VLDLR: variants seen among roughly 807,000 people sequenced by gnomAD.
The protein encoded by VLDLR is very low density lipoprotein receptor.
A neutral mutation model predicts 112.7 loss-of-function variants in VLDLR; 81 were observed. That is an observed-to-expected ratio of 0.72 (90% CI 0.60 to 0.86). VLDLR has a LOEUF of 0.86. Ranked by LOEUF, VLDLR falls within the 40% of genes least tolerant of loss-of-function variation. The pLI is 0.00. For synonymous variants in VLDLR, 436 were observed against 384.8 expected, an observed-to-expected ratio of 1.13 and a Z score of -1.56; for missense variants, 1,237 against 1,099.4, an observed-to-expected ratio of 1.13 and a Z score of -1.77.
chr9:2,642,900 G>A (rs1817887482), intron 4 of VLDLR, among the ~76,000 whole-genome samples: 2 of 152,190 alleles, frequency 1.3e-5, no homozygotes, highest in African/African-American at 4.8e-5. Context: ...AGAATCAATT[G>A]TGGTTCTCAT....
At position 2,653,963 on chromosome 9, in the gene VLDLR, C is replaced by T. The variant is rs1057182493; in HGVS notation, c.*95C>T. ...GCAGCTGAAGTCTCTTTTTCTTCCT[C>T]TCGGCTGGAAGAACATCAAGATACC... On this transcript the variant is annotated 3_prime_UTR_variant, in exon 19 of 19. Coordinates refer to ENST00000382100, the MANE Select transcript of VLDLR (RefSeq NM_003383.5). 7 of 1,324,532 alleles carry T rather than the reference C, an allele frequency of 5.3e-6. No homozygotes were observed. Among genetic ancestry groups the T allele is most frequent in the Non-Finnish European group, 4.4e-6 (4 of 918,758 alleles). 82.0% of individuals were successfully genotyped at this position (1,324,532 alleles called of 1,614,324 possible).
chr9:2,654,823 T>G lies in VLDLR; in HGVS notation c.*955T>G, dbSNP rs759380723. On this transcript the variant is annotated 3_prime_UTR_variant, in exon 19 of 19. Transcript: ENST00000382100. ...TTTATAGTTAAGTCTCTGTTTTCCATGTTCTGTCATTTATATAGGTCAAGG... is the reference window on the plus strand; with the variant it reads ...TTTATAGTTAAGTCTCTGTTTTCCAGGTTCTGTCATTTATATAGGTCAAGG... The G allele has an allele frequency of 1.3e-5, 2 of 152,206 alleles. No homozygotes were observed. Among genetic ancestry groups the G allele is most frequent in the Non-Finnish European group, 2.9e-5 (2 of 68,028 alleles). The allele number at this position is 152,206 out of a possible 1,614,324, so 9.4% of individuals were successfully genotyped here. A position where few individuals can be genotyped will look rare whatever the true frequency, so the allele number is the denominator to read the frequency against.
At position 2,647,481 on chromosome 9, in the gene VLDLR, TA is replaced by T; in HGVS notation, c.1712del (p.Tyr571SerfsTer11). 6.2e-7 allele frequency: 1 copy of T among 1,613,940 alleles called. No individual in the cohort carries two copies. The stretch of plus-strand genomic sequence containing the variant: ...TCATTTAATTTTTCACAGCTTTGTT[TA>T]CTGGTCAGACTGGGGTGAACCAGCT... Reference protein sequence around the residue: ...IAVDPLSGFVYWSDWGEPAKI... With the variant: ...IAVDPLSGFVXWSDWGEPAKI... On this transcript the variant is annotated frameshift_variant, in exon 12 of 19. Coordinates refer to ENST00000382100, the MANE Select transcript of VLDLR (RefSeq NM_003383.5). LOFTEE classifies it high-confidence loss of function.
chr9:2,638,985 C>A (rs1817716856), intron 2 of VLDLR, among the ~76,000 whole-genome samples: 1 of 152,200 alleles, frequency 6.6e-6, no homozygotes, highest in African/African-American at 2.4e-5. Flanking sequence ...TGATGAGTTT[C>A]TTTGCCCCTG....
rs1818742495 is a variant in VLDLR at position 2,660,025 on chromosome 9, T to C, written c.*6157T>C. On this transcript the variant is annotated 3_prime_UTR_variant, in exon 19 of 19. Coordinates refer to ENST00000382100, the MANE Select transcript of VLDLR (RefSeq NM_003383.5). ...TAAACTTTTTTTTACTAATGAACTG[T>C]ACATTTAAATAAAAGTTTATTTTTG... is the stretch of plus-strand genomic sequence containing the variant. 1 of 150,968 alleles carries C rather than the reference T, an allele frequency of 6.6e-6. No individual in the cohort carries two copies. Among genetic ancestry groups the C allele is most frequent in the Non-Finnish European group, 1.5e-5 (1 of 67,862 alleles). 9.4% of individuals were successfully genotyped at this position (150,968 alleles called of 1,614,324 possible).
intron 1 of VLDLR, 33 bp from the exon 2 acceptor site, chr9:2,635,420 C>A: frequency 6.2e-7 from 1 of 1,613,426 alleles, no homozygotes; most frequent in South Asian, 1.1e-5. Flanking sequence ...ATAACCAATC[C>A]TTGCTTTACC....
At chr9:2,640,115 G>C (rs1817763664) in intron 3 of VLDLR, 134 bp downstream of exon 3, 2 of 1,413,998 alleles carry the variant, frequency 1.4e-6, no homozygotes, top group Admixed American at 1.7e-5. Context: ...TGACTCCAAG[G>C]GCAGTCAAAT....
intron 1 of VLDLR, among the ~76,000 whole-genome samples, chr9:2,631,734 G>A (rs770647274): frequency 2.6e-5 from 4 of 152,106 alleles, no homozygotes; most frequent in Admixed American, 6.5e-5. Context: ...AAGAAATAAC[G>A]TCAATGACTG....
rs368338996 is a variant in VLDLR at position 2,654,442 on chromosome 9, T to A, written c.*574T>A. On this transcript the variant is annotated 3_prime_UTR_variant, in exon 19 of 19. Transcript: ENST00000382100. Reference sequence around the variant, plus strand: ...ACTGAGTGTTCAAACTACTGTACATTTTTTTTCAAGTGCTAAAAAATTAAA... The same window carrying A: ...ACTGAGTGTTCAAACTACTGTACATATTTTTTCAAGTGCTAAAAAATTAAA... The A allele has an allele frequency of 1.3e-5, 2 of 157,124 alleles. No individual in the cohort carries two copies. The highest frequency in any genetic ancestry group is 2.8e-5 in the Non-Finnish European group (2 of 70,754). The allele number at this position is 157,124 out of a possible 1,614,324, so 9.7% of individuals were successfully genotyped here. A position where few individuals can be genotyped will look rare whatever the true frequency, so the allele number is the denominator to read the frequency against.
intron 15 of VLDLR, 134 bp from the exon 16 acceptor site, chr9:2,651,281 G>A: frequency 5.6e-6 from 4 of 717,462 alleles, no homozygotes; most frequent in South Asian, 4.9e-5. Flanking sequence ...CACATCAGCT[G>A]TACAACTTAG....
rs559697196 is a variant in VLDLR at position 2,656,904 on chromosome 9, A to T, written c.*3036A>T. 6.4e-4 allele frequency: 86 copies of T among 135,156 alleles called. No individual in the cohort carries two copies. The highest frequency in any genetic ancestry group is 2.2e-3 in the African/African-American group (84 of 37,690). The allele number at this position is 135,156 out of a possible 1,614,324, so 8.4% of individuals were successfully genotyped here. A position where few individuals can be genotyped will look rare whatever the true frequency, so the allele number is the denominator to read the frequency against. ...CATTCTAGTAGGTGTTTTAAAGCCTAGGTATCGCTGCCTCTTTAGTTCTTG... is the reference window on the plus strand; with the variant it reads ...CATTCTAGTAGGTGTTTTAAAGCCTTGGTATCGCTGCCTCTTTAGTTCTTG... On this transcript the variant is annotated 3_prime_UTR_variant, in exon 19 of 19. Transcript: ENST00000382100.
intron 1 of VLDLR, among the ~76,000 whole-genome samples, chr9:2,624,533 G>A (rs1817000149): frequency 6.6e-6 from 1 of 152,216 alleles, no homozygotes; most frequent in Admixed American, 6.5e-5. Flanking sequence ...AGCCTAAGTA[G>A]TCAAGATTAA....
chr9:2,646,701 C>T (rs1355389199), intron 11 of VLDLR, 149 bp downstream of exon 11: 2 of 851,306 alleles, frequency 2.3e-6, no homozygotes, highest in Non-Finnish European at 3.8e-6. Context: ...TCAGTTTTGC[C>T]CCAGGTGAGT....
chr9:2,639,778 A>C (rs1817747253), intron 2 of VLDLR, 81 bp from the exon 3 acceptor site: 1 of 1,610,254 alleles, frequency 6.2e-7, no homozygotes, highest in African/African-American at 1.3e-5. Context: ...AAACATGCCA[A>C]AATGCAGTAT....
chr9:2,657,569 A>AT lies in VLDLR; in HGVS notation c.*3702dup, dbSNP rs1818651841. Reference sequence around the variant, plus strand: ...GGTGCCTAAAAACCACATATATATAATCCCCTGGGTATTACATATTCTGCA... The same window carrying AT: ...GGTGCCTAAAAACCACATATATATAATTCCCCTGGGTATTACATATTCTGCA... On this transcript the variant is annotated 3_prime_UTR_variant, in exon 19 of 19. Coordinates refer to ENST00000382100, the MANE Select transcript of VLDLR (RefSeq NM_003383.5). 1 of 150,696 alleles carries AT rather than the reference A, an allele frequency of 6.6e-6. No homozygotes were observed. Among genetic ancestry groups the AT allele is most frequent in the Non-Finnish European group, 1.5e-5 (1 of 67,252 alleles). 9.3% of individuals were successfully genotyped at this position (150,696 alleles called of 1,614,324 possible).
Position 2,654,068 on chromosome 9 carries a change from T to A in VLDLR, c.*200T>A, listed in dbSNP as rs1373181242. 7 of 583,956 alleles carry A rather than the reference T, an allele frequency of 1.2e-5. No individual in the cohort carries two copies. The highest frequency in any genetic ancestry group is 2.1e-5 in the Non-Finnish European group (7 of 328,108). The allele number at this position is 583,956 out of a possible 1,614,324, so 36.2% of individuals were successfully genotyped here. A position where few individuals can be genotyped will look rare whatever the true frequency, so the allele number is the denominator to read the frequency against. ...TTCTTGTCCACATTCTACTTCAGCT[T>A]TGGATGTGGTTACCGAGTATCTGTA... On this transcript the variant is annotated 3_prime_UTR_variant, in exon 19 of 19. Transcript: ENST00000382100.
chr9:2,633,051 AGTGTGTGTGT>A (rs71329439), intron 1 of VLDLR, among the ~76,000 whole-genome samples: 2 of 115,402 alleles, frequency 1.7e-5, no homozygotes, highest in African/African-American at 3.3e-5. Flanking sequence ...AGAGAGAGAG[AGTGTGTGTGT>A]GTGTGTGTGT....
chr9:2,653,681 A>T, intron 18 of VLDLR, 152 bp from the exon 19 acceptor site: 2 of 802,896 alleles, frequency 2.5e-6, no homozygotes, highest in Non-Finnish European at 4.4e-6. Context: ...CATGAATGAT[A>T]CAACTCAGTA....
At chr9:2,628,596 A>G (rs903930885) in intron 1 of VLDLR, among the ~76,000 whole-genome samples, 1 of 152,168 alleles carries the variant, frequency 6.6e-6, no homozygotes, top group African/African-American at 2.4e-5. Context: ...TGGGTAGAGA[A>G]TGTGGCAGCC....
Sources: allele counts gnomAD v4.1 joint callset (sites outside exome capture counted in the v4.1 genomes callset), GRCh38; gene constraint gnomAD v4.1.1; transcripts MANE v1.5; gene names NCBI Gene and HGNC (gene_info 2026-07-23, HGNC 2026-07-21).